COL5A2: variants seen among roughly 807,000 people sequenced by gnomAD.
COL5A2 encodes collagen type V alpha 2 chain, also known as collagen alpha-2(V) chain.
A neutral mutation model predicts 208.2 loss-of-function variants in COL5A2; 23 were observed. The observed-to-expected ratio is 0.11, with a 90% CI of 0.08 to 0.16. COL5A2 has a LOEUF of 0.16. Among genes scored for constraint, COL5A2 ranks in the 10% least tolerant of loss-of-function variants. The pLI is 1.00. For missense variants in COL5A2, 1,590 were observed against 1,956.4 expected (o/e 0.81, Z 3.53); for synonymous variants, 625 against 628.5 (o/e 0.99, Z 0.08).
chr2:189,189,691 T>C (rs1029992534), intron 1 of COL5A2, among the ~76,000 whole-genome samples: 2 of 151,836 alleles, frequency 1.3e-5, no homozygotes, highest in Non-Finnish European at 2.9e-5. Context: ...CATGTATATA[T>C]ATATATTTCA....
chr2:189,218,829 A>G (rs1689310714), intron 1 of COL5A2, among the ~76,000 whole-genome samples: 1 of 152,170 alleles, frequency 6.6e-6, no homozygotes, highest in African/African-American at 2.4e-5. Flanking sequence ...TTCAGTGCAC[A>G]CAATGATAAA....
chr2:189,281,781 T>C, the COL5A2 span, among the ~76,000 whole-genome samples: 1 of 152,218 alleles, frequency 6.6e-6, no homozygotes, highest in Non-Finnish European at 1.5e-5. Flanking sequence ...ATTCCTCTGA[T>C]AGCATCAATA....
At chr2:189,257,110 GTC>G in the COL5A2 span, among the ~76,000 whole-genome samples, 1 of 152,146 alleles carries the variant, frequency 6.6e-6, no homozygotes, top group Non-Finnish European at 1.5e-5. Flanking sequence ...TAGAAGGAAA[GTC>G]TATATACATT....
At chr2:189,048,185 T>C (rs776451427) in intron 45 of COL5A2, 24 bp downstream of exon 45, 2 of 1,610,072 alleles carry the variant, frequency 1.2e-6, no homozygotes, top group Admixed American at 1.7e-5. Context: ...CTTTAGATTT[T>C]ATAATAAGTG....
At chr2:189,197,558 G>A (rs1447548316) in intron 1 of COL5A2, among the ~76,000 whole-genome samples, 3 of 151,974 alleles carry the variant, frequency 2.0e-5, no homozygotes, top group South Asian at 2.1e-4. Context: ...AAAAGAACTC[G>A]TATGCTTTGT....
chr2:189,079,023 T>C (rs934909413), intron 15 of COL5A2, 40 bp downstream of exon 15: 8 of 1,533,804 alleles, frequency 5.2e-6, no homozygotes, highest in African/African-American at 1.4e-5. Flanking sequence ...CAAGGAAATA[T>C]AACCTTAGAA....
the COL5A2 span, among the ~76,000 whole-genome samples, chr2:189,343,097 G>A: frequency 2.6e-5 from 4 of 151,944 alleles, no homozygotes; most frequent in African/African-American, 7.2e-5. Context: ...AGAAACAGGA[G>A]AAAAACTACA....
upstream of COL5A2, among the ~76,000 whole-genome samples, chr2:189,182,047 G>A (rs573803500): frequency 1.1e-4 from 17 of 152,266 alleles, no homozygotes; most frequent in Middle Eastern, 3.4e-3. Context: ...TGCAACTTGG[G>A]CTTTTTCTCT....
chr2:189,313,838 A>G, the COL5A2 span, among the ~76,000 whole-genome samples: 2 of 152,216 alleles, frequency 1.3e-5, no homozygotes, highest in African/African-American at 4.8e-5. Context: ...AGATCAAACA[A>G]GATGAAGAAG....
intron 3 of COL5A2, among the ~76,000 whole-genome samples, chr2:189,103,883 T>C (rs1026391584): frequency 6.6e-6 from 1 of 152,070 alleles, no homozygotes; most frequent in South Asian, 2.1e-4. Flanking sequence ...CTCACTTTCT[T>C]CCTTCCTCCT....
the COL5A2 span, among the ~76,000 whole-genome samples, chr2:189,237,246 A>T: frequency 6.6e-6 from 1 of 151,634 alleles, no homozygotes; most frequent in Middle Eastern, 3.4e-3. Flanking sequence ...TTCCTCCACC[A>T]TATATGCTTT....
the COL5A2 span, among the ~76,000 whole-genome samples, chr2:189,280,325 T>C: frequency 6.6e-6 from 1 of 152,194 alleles, no homozygotes; most frequent in Non-Finnish European, 1.5e-5. Flanking sequence ...TACAATAATT[T>C]AATAATTTCA....
At chr2:189,109,340 G>A (rs1455958805) in intron 2 of COL5A2, among the ~76,000 whole-genome samples, 2 of 151,832 alleles carry the variant, frequency 1.3e-5, no homozygotes, top group Non-Finnish European at 2.9e-5. Flanking sequence ...GTGAGTGTAG[G>A]TATTTACCCA....
At chr2:189,181,507 G>C (rs1030569330), upstream of COL5A2, among the ~76,000 whole-genome samples, 7 of 152,258 alleles carry the variant, frequency 4.6e-5, no homozygotes, top group Admixed American at 3.9e-4. Context: ...GTAAATGTGG[G>C]GGGGAGGAAT....
At chr2:189,258,916 A>G in the COL5A2 span, among the ~76,000 whole-genome samples, 1 of 152,200 alleles carries the variant, frequency 6.6e-6, no homozygotes, top group Non-Finnish European at 1.5e-5. Context: ...CTGACAGCCA[A>G]TGAGCCAGGG....
chr2:189,320,954 T>A, the COL5A2 span, among the ~76,000 whole-genome samples: 1 of 152,218 alleles, frequency 6.6e-6, no homozygotes, highest in Admixed American at 6.5e-5. Flanking sequence ...CCTATCAGAC[T>A]AACAGTGGAT....
At chr2:189,257,296 C>A in the COL5A2 span, among the ~76,000 whole-genome samples, 5 of 152,156 alleles carry the variant, frequency 3.3e-5, no homozygotes, top group Non-Finnish European at 5.9e-5. Context: ...CTAATCTTGG[C>A]ACACTGTGAA....
intron 1 of COL5A2, among the ~76,000 whole-genome samples, chr2:189,155,642 T>G (rs1314642845): frequency 6.6e-6 from 1 of 152,236 alleles, no homozygotes; most frequent in Non-Finnish European, 1.5e-5. Flanking sequence ...TTAATTCCTT[T>G]ATGGCACTTA....
chr2:189,238,603 G>A, the COL5A2 span, among the ~76,000 whole-genome samples: 1 of 152,106 alleles, frequency 6.6e-6, no homozygotes, highest in Non-Finnish European at 1.5e-5. Flanking sequence ...AGGTTTAACT[G>A]ACTCACAGTT....
Sources: allele counts gnomAD v4.1 joint callset (sites outside exome capture counted in the v4.1 genomes callset), GRCh38; gene constraint gnomAD v4.1.1; transcripts MANE v1.5; gene names NCBI Gene and HGNC (gene_info 2026-07-23, HGNC 2026-07-21).